Variants in CFAP95 observed in about 807,000 individuals in gnomAD.
The protein encoded by CFAP95 is cilia- and flagella-associated protein 95.
At chr9:69,892,669 CCCTGGCCCGCCACAACCCCAT>C in the CFAP95 span, among the ~76,000 whole-genome samples, 1 of 152,172 alleles carries the variant, frequency 6.6e-6, no homozygotes, top group African/African-American at 2.4e-5. Flanking sequence ...TCCAAAGCCA[CCCTGGCCCGCCACAACCCCAT>C]CCTGTACCTA....
At chr9:69,840,407 T>C in the CFAP95 span, among the ~76,000 whole-genome samples, 1 of 152,214 alleles carries the variant, frequency 6.6e-6, no homozygotes, top group Admixed American at 6.5e-5. Context: ...CTAAAGCCTG[T>C]TGTAGATATT....
the CFAP95 span, chr9:69,905,813 G>T: frequency 3.4e-6 from 2 of 580,126 alleles, no homozygotes; most frequent in Non-Finnish European, 2.6e-6. Flanking sequence ...TGAAACATTT[G>T]CTATTTGAGA....
chr9:69,832,174 A>C, the CFAP95 span, among the ~76,000 whole-genome samples: 15,119 of 152,198 alleles, frequency 0.099, 862 homozygotes, highest in South Asian at 0.18. Flanking sequence ...CCTTGTAGGG[A>C]TGCAATAAGG....
the CFAP95 span, among the ~76,000 whole-genome samples, chr9:69,821,218 G>GA: frequency 6.6e-6 from 1 of 151,762 alleles, no homozygotes; most frequent in African/African-American, 2.4e-5. Flanking sequence ...AGAAAGGTGA[G>GA]AAAAAGATGA....
At chr9:69,867,946 A>G in the CFAP95 span, among the ~76,000 whole-genome samples, 1 of 152,256 alleles carries the variant, frequency 6.6e-6, no homozygotes, top group Admixed American at 6.5e-5. Context: ...ATCATTCCAC[A>G]GAATAATCAG....
At chr9:69,823,874 G>A in the CFAP95 span, among the ~76,000 whole-genome samples, 2 of 152,190 alleles carry the variant, frequency 1.3e-5, no homozygotes, top group Non-Finnish European at 2.9e-5. Context: ...GCCAGGAGAA[G>A]GAATTTCACA....
the CFAP95 span, among the ~76,000 whole-genome samples, chr9:69,895,291 ACTTG>A: frequency 6.6e-6 from 1 of 150,772 alleles, no homozygotes; most frequent in Non-Finnish European, 1.5e-5. Flanking sequence ...TTCCTGAGTT[ACTTG>A]CTGGCCTCCA....
the CFAP95 span, among the ~76,000 whole-genome samples, chr9:69,863,906 A>G: frequency 1.1e-4 from 16 of 152,324 alleles, no homozygotes; most frequent in African/African-American, 3.6e-4. Flanking sequence ...AAAAAAATAT[A>G]TACACATATA....
chr9:69,822,490 C>T, the CFAP95 span, among the ~76,000 whole-genome samples: 1 of 152,198 alleles, frequency 6.6e-6, no homozygotes, highest in Non-Finnish European at 1.5e-5. Flanking sequence ...ACAGAACATC[C>T]TCTTTTAGCC....
the CFAP95 span, among the ~76,000 whole-genome samples, chr9:69,825,464 G>T: frequency 6.6e-6 from 1 of 152,130 alleles, no homozygotes; most frequent in Non-Finnish European, 1.5e-5. Flanking sequence ...CCTTTGGTTC[G>T]TTACTAGGAT....
the CFAP95 span, among the ~76,000 whole-genome samples, chr9:69,874,751 A>G: frequency 7.2e-5 from 11 of 152,312 alleles, no homozygotes; most frequent in South Asian, 2.1e-3. Flanking sequence ...AGGAAATCCC[A>G]AAGAGGGCCC....
the CFAP95 span, chr9:69,884,756 A>G: frequency 6.6e-6 from 1 of 151,752 alleles, no homozygotes; most frequent in African/African-American, 2.4e-5. Context: ...AATTGCTAAG[A>G]TATTTAATTT....
At chr9:69,905,654 A>C in the CFAP95 span, among the ~76,000 whole-genome samples, 1 of 152,122 alleles carries the variant, frequency 6.6e-6, no homozygotes, top group Admixed American at 6.5e-5. Context: ...ATATATGATC[A>C]TAAAATTTAA....
At chr9:69,825,104 A>G in the CFAP95 span, among the ~76,000 whole-genome samples, 2 of 152,152 alleles carry the variant, frequency 1.3e-5, no homozygotes, top group Non-Finnish European at 2.9e-5. Flanking sequence ...CTTTCTATTG[A>G]TTTGTTTTAT....
chr9:69,890,112 C>G, the CFAP95 span, among the ~76,000 whole-genome samples: 2 of 151,990 alleles, frequency 1.3e-5, no homozygotes, highest in Non-Finnish European at 1.5e-5. Flanking sequence ...ATTTCAGGTC[C>G]ATTTTCTTAT....
chr9:69,895,518 C>A, the CFAP95 span, among the ~76,000 whole-genome samples: 1 of 151,940 alleles, frequency 6.6e-6, no homozygotes, highest in Non-Finnish European at 1.5e-5. Flanking sequence ...ATGATCTTTT[C>A]CCATTGAAAT....
At chr9:69,879,466 T>C in the CFAP95 span, among the ~76,000 whole-genome samples, 4 of 152,074 alleles carry the variant, frequency 2.6e-5, no homozygotes, top group African/African-American at 9.7e-5. Context: ...GAATCATGCA[T>C]ATTCAGGAGG....
chr9:69,886,077 C>T, the CFAP95 span, among the ~76,000 whole-genome samples: 3 of 152,178 alleles, frequency 2.0e-5, no homozygotes, highest in Non-Finnish European at 2.9e-5. Context: ...TCATCCAGTT[C>T]AGGACATGAA....
At chr9:69,891,937 C>G in the CFAP95 span, among the ~76,000 whole-genome samples, 1 of 152,058 alleles carries the variant, frequency 6.6e-6, no homozygotes, top group African/African-American at 2.4e-5. Context: ...ATTTTAAGAC[C>G]AATTTTCTGT....
Sources: gnomAD v4.1 joint callset for allele counts (sites outside exome capture counted in the v4.1 genomes callset) on GRCh38, gnomAD v4.1.1 for gene constraint, MANE v1.5 for transcripts, NCBI Gene and HGNC (gene_info 2026-07-23, HGNC 2026-07-21) for gene names.